Variants in LSM12 observed in about 807,000 individuals in gnomAD.
LSM12 encodes LSM12 homolog.
For synonymous variants in LSM12, 74 were observed against 87.3 expected, an observed-to-expected ratio of 0.85 and a Z score of 0.85; for missense variants, 108 against 238.9, an observed-to-expected ratio of 0.45 and a Z score of 3.61.
At chr17:44,041,296 C>A (rs1248491218) in intron 2 of LSM12, among the ~76,000 whole-genome samples, 3 of 110,742 alleles carry the variant, frequency 2.7e-5, no homozygotes, top group Admixed American at 9.8e-5. Flanking sequence ...AACAAACACA[C>A]ACACACACAC....
At chr17:44,041,328 C>CACAA (rs1555623724) in intron 2 of LSM12, among the ~76,000 whole-genome samples, 520 of 133,506 alleles carry the variant, frequency 3.9e-3, no homozygotes, top group Non-Finnish European at 5.7e-3. Flanking sequence ...CACACACACA[C>CACAA]ACACAAACAC....
At chr17:44,045,608 T>C (rs1291945197) in intron 2 of LSM12, among the ~76,000 whole-genome samples, 1 of 152,160 alleles carries the variant, frequency 6.6e-6, no homozygotes, top group Non-Finnish European at 1.5e-5. Flanking sequence ...TCTCACTCTA[T>C]CACCCAGGCT....
chr17:44,064,027 C>T, intron 1 of LSM12, 93 bp from the exon 2 acceptor site: 2 of 1,441,488 alleles, frequency 1.4e-6, no homozygotes, highest in Non-Finnish European at 9.5e-7. Flanking sequence ...TCACACAAGG[C>T]TTGTAAAAGG....
At chr17:44,042,994 C>G (rs942442869) in intron 2 of LSM12, among the ~76,000 whole-genome samples, 2 of 152,174 alleles carry the variant, frequency 1.3e-5, no homozygotes, top group Non-Finnish European at 2.9e-5. Flanking sequence ...TGAGCCACCA[C>G]GCCTGGCTCC....
chr17:44,049,597 A>C (rs940739717), intron 2 of LSM12, among the ~76,000 whole-genome samples: 3 of 152,310 alleles, frequency 2.0e-5, no homozygotes, highest in South Asian at 4.1e-4. Flanking sequence ...TTTAATGAAC[A>C]CCAAGGACAC....
chr17:44,037,665 T>C, intron 3 of LSM12, 127 bp from the exon 4 acceptor site: 2 of 1,151,768 alleles, frequency 1.7e-6, no homozygotes, highest in Middle Eastern at 2.1e-4. Context: ...AACAACTAGA[T>C]GCCAGCAGCC....
rs1289120495 is a variant in LSM12, at chr17:44,063,781, A to C, written c.258+20T>G. 2 of 1,607,114 alleles carry C rather than the reference A, an allele frequency of 1.2e-6. No homozygotes were observed. Among genetic ancestry groups the C allele is most frequent in the Non-Finnish European group, 1.7e-6 (2 of 1,175,876 alleles). On this transcript the variant is annotated intron_variant, in intron 2 of 4. Coordinates refer to ENST00000293406, the MANE Select transcript of LSM12 (RefSeq NM_001371445.1). ...CTTTCCCACCATTTTAGAGAGCCAGATCTGCCCTTGAGTCCTTACCTTACT... is the reference window on the plus strand; with the variant it reads ...CTTTCCCACCATTTTAGAGAGCCAGCTCTGCCCTTGAGTCCTTACCTTACT...
At chr17:44,038,434 G>A (rs775864887) in intron 3 of LSM12, among the ~76,000 whole-genome samples, 15 of 151,720 alleles carry the variant, frequency 9.9e-5, no homozygotes, top group African/African-American at 2.7e-4. Flanking sequence ...CGAAGTGGGC[G>A]GATCATGAGG....
At chr17:44,060,392 T>G (rs2049780796) in intron 2 of LSM12, among the ~76,000 whole-genome samples, 1 of 152,204 alleles carries the variant, frequency 6.6e-6, no homozygotes, top group African/African-American at 2.4e-5. Context: ...CCGAAATAGC[T>G]GTTTTCAGCA....
chr17:44,037,228 C>A, intron 4 of LSM12, 184 bp downstream of exon 4: 1 of 575,658 alleles, frequency 1.7e-6, no homozygotes, highest in Non-Finnish European at 2.8e-6. Context: ...TTCCACACCA[C>A]CCAGTGGTTC....
chr17:44,049,722 C>T (rs1019356521), intron 2 of LSM12, among the ~76,000 whole-genome samples: 1 of 152,192 alleles, frequency 6.6e-6, no homozygotes, highest in Admixed American at 6.5e-5. Context: ...ATCTTATTTC[C>T]ACATGCCCAG....
chr17:44,050,163 G>A (rs914596393), intron 2 of LSM12, among the ~76,000 whole-genome samples: 13 of 152,160 alleles, frequency 8.5e-5, no homozygotes, highest in East Asian at 7.7e-4. Context: ...GCAATGGCAC[G>A]ATCTCAGCTC....
chr17:44,063,723 A>ATG (rs2049830321), intron 2 of LSM12, 78 bp downstream of exon 2: 1 of 1,404,316 alleles, frequency 7.1e-7, no homozygotes, highest in South Asian at 1.8e-5. Context: ...AAAAATAGAC[A>ATG]ACAATGTATC....
At position 44,056,562 on chromosome 17, in the gene LSM12, G is replaced by C. The variant is rs528561554; in HGVS notation, c.258+7239C>G. On this transcript the variant is annotated intron_variant, in intron 2 of 4. Coordinates refer to ENST00000293406, the MANE Select transcript of LSM12 (RefSeq NM_001371445.1). ...GCTTGAGATTGGGAGGCATGATGGCGTGTGCCTGTGGTCCCAGCTACTCAG... is the reference window on the plus strand; with the variant it reads ...GCTTGAGATTGGGAGGCATGATGGCCTGTGCCTGTGGTCCCAGCTACTCAG... Among the ~76,000 whole-genome samples the C allele has an allele frequency of 5.6e-4, 85 of 151,912 alleles. 1 individual carries two copies. The highest frequency in any genetic ancestry group is 1.7e-3 in the African/African-American group (70 of 41,414).
intron 2 of LSM12, among the ~76,000 whole-genome samples, chr17:44,059,570 T>C (rs1300715575): frequency 1.3e-5 from 2 of 152,136 alleles, no homozygotes; most frequent in Non-Finnish European, 2.9e-5. Flanking sequence ...GAATTCCCCC[T>C]ACTGCAACCC....
intron 2 of LSM12, among the ~76,000 whole-genome samples, chr17:44,045,793 G>A (rs1416280020): frequency 6.6e-6 from 1 of 151,738 alleles, no homozygotes; most frequent in African/African-American, 2.4e-5. Flanking sequence ...GGATAGTCTT[G>A]AACTCCTGAG....
intron 3 of LSM12, 114 bp from the exon 4 acceptor site, chr17:44,037,652 G>A (rs2049433096): frequency 7.8e-7 from 1 of 1,290,128 alleles, no homozygotes; most frequent in South Asian, 1.7e-5. Context: ...TCACCACTCA[G>A]CCAACAACTA....
At chr17:44,052,319 A>T (rs1311122916) in intron 2 of LSM12, among the ~76,000 whole-genome samples, 1 of 151,990 alleles carries the variant, frequency 6.6e-6, no homozygotes, top group Non-Finnish European at 1.5e-5. Context: ...TCTACAAAAA[A>T]AAAAATTAAA....
rs150049269 is a variant in LSM12, at chr17:44,043,125, G to C, written c.259-2869C>G. On this transcript the variant is annotated intron_variant, in intron 2 of 4. Coordinates refer to ENST00000293406, the MANE Select transcript of LSM12 (RefSeq NM_001371445.1). ...AAAAGGAGGCCTTCAATTGCCATGG[G>C]TATTCTTGTCCTTGCAAGTTTCAAA... Among the ~76,000 whole-genome samples the C allele has an allele frequency of 3.8e-4, 58 of 152,332 alleles. No individual in the cohort carries two copies. The East Asian group carries it at 0.01, about 27-fold the overall frequency.
Sources: gnomAD v4.1 joint callset for allele counts (sites outside exome capture counted in the v4.1 genomes callset) on GRCh38, gnomAD v4.1.1 for gene constraint, MANE v1.5 for transcripts, NCBI Gene and HGNC (gene_info 2026-07-23, HGNC 2026-07-21) for gene names.